The following MGAM variants were observed in gnomAD, a reference collection of about 807,000 sequenced individuals.
MGAM encodes alpha-1,4-glucosidase.
A neutral mutation model predicts 358.8 loss-of-function variants in MGAM; 253 were observed. The ratio of observed to expected loss-of-function variants is 0.71; its 90% confidence interval spans 0.64 to 0.78. MGAM has a LOEUF of 0.78. Ranked by LOEUF, MGAM falls within the 30% of genes least tolerant of loss-of-function variation. The probability of loss-of-function intolerance (pLI) is 0.00; values close to 1 mark genes in which losing one functional copy is unlikely to be tolerated. For synonymous variants in MGAM, 1,105 were observed against 1,227.1 expected (o/e 0.90, Z 2.08); for missense variants, 3,080 against 3,432.6 (o/e 0.90, Z 2.57).
At chr7:142,019,373 C>G in intron 4 of MGAM, 54 bp downstream of exon 4, 1 of 1,588,388 alleles carries the variant, frequency 6.3e-7, no homozygotes, top group Non-Finnish European at 8.6e-7. Flanking sequence ...GAGGTTGACT[C>G]TGTATCCCCC....
In MGAM at chr7:142,052,934, C is replaced by T. The variant is rs564600502; in HGVS notation, c.3109C>T (p.Pro1037Ser). 4.3e-6 allele frequency: 7 copies of T among 1,613,868 alleles called. No homozygotes were observed. The highest frequency in any genetic ancestry group is 1.1e-5 in the South Asian group (1 of 91,064). Residue 1037 changes from proline (P) to serine (S), a missense_variant, in exon 26 of 71, where the codon CCC (proline) becomes TCC (serine). Pro to Ser is a moderately conservative substitution (Grantham distance 74, BLOSUM62 -1). Transcript: ENST00000475668. ...TGCCTTCCCCTCCACACCCGTGAAC[C>T]CCCTTCGCCTGGATGTCACTTACCA... is the stretch of plus-strand genomic sequence containing the variant. ...ANAFPSTPVN[P>S]LRLDVTYHKN...
At position 142,065,365 on chromosome 7, in the gene MGAM, G is replaced by A; in HGVS notation, c.4515G>A (p.Gly1505=). 6.2e-7 allele frequency: 1 copy of A among 1,610,500 alleles called. No homozygotes were observed. Reference sequence around the variant, plus strand: ...TGCAGGAGGTGACGGGACAGCGAGGGGTCGTCATCACCCGCTCCACATTTC... The same window carrying A: ...TGCAGGAGGTGACGGGACAGCGAGGAGTCGTCATCACCCGCTCCACATTTC... ...EAVQEVTGQR[G]VVITRSTFPS... The change falls in exon 38 of 71, where the codon GGG becomes GGA. Residue 1505 remains glycine, a synonymous_variant. Coordinates refer to ENST00000475668, the MANE Select transcript of MGAM (RefSeq NM_001365693.1).
chr7:142,021,150 G>A, intron 5 of MGAM, 67 bp downstream of exon 5: 2 of 1,163,800 alleles, frequency 1.7e-6, no homozygotes, highest in Non-Finnish European at 2.4e-6. Context: ...GATGAGTGCA[G>A]TTACTACAAA....
Position 142,074,844 on chromosome 7 carries a change from G to A in MGAM, c.5275+671G>A, listed in dbSNP as rs891058506. 3.4e-5 allele frequency among the ~76,000 whole-genome samples: 5 copies of A among 146,296 alleles called. 1 individual carries two copies. The highest frequency in any genetic ancestry group is 1.5e-5 in the Non-Finnish European group (1 of 64,608). On this transcript the variant is annotated intron_variant, in intron 45 of 70. Coordinates refer to ENST00000475668, the MANE Select transcript of MGAM (RefSeq NM_001365693.1). ...CAAATAAAGATTGAATATATTTAAGGTGGACGATGTGAGGATTTAATATAT... is the reference window on the plus strand; with the variant it reads ...CAAATAAAGATTGAATATATTTAAGATGGACGATGTGAGGATTTAATATAT...
intron 15 of MGAM, 23 bp from the exon 16 acceptor site, chr7:142,034,647 C>G: frequency 6.2e-7 from 1 of 1,607,492 alleles, no homozygotes; most frequent in Non-Finnish European, 8.5e-7. Context: ...CACATTGACT[C>G]CTTAAATCTC....
At chr7:142,016,093 T>TA (rs1198770115) in intron 3 of MGAM, among the ~76,000 whole-genome samples, 1 of 152,210 alleles carries the variant, frequency 6.6e-6, no homozygotes, top group Non-Finnish European at 1.5e-5. Context: ...CGGCTGTAGT[T>TA]ATCCTTTATG....
At chr7:142,097,110 T>G (rs1815990865) in intron 65 of MGAM, among the ~76,000 whole-genome samples, 1 of 151,982 alleles carries the variant, frequency 6.6e-6, no homozygotes, top group Non-Finnish European at 1.5e-5. Context: ...AATTTTTTTT[T>G]TTATTTTTAG....
At position 142,094,436 on chromosome 7, in the gene MGAM, G is replaced by A; in HGVS notation, c.7245G>A (p.Trp2415Ter). 1 of 1,535,328 alleles carries A rather than the reference G, an allele frequency of 6.5e-7. No homozygotes were observed. Among genetic ancestry groups the A allele is most frequent in the Non-Finnish European group, 8.9e-7 (1 of 1,122,180 alleles). ...TRSTFPSSGR[W>*]AGHWLGDNTA... Reference sequence around the variant, plus strand: ...CCACATTTCCCTCTTCTGGCCGCTGGGCAGGACATTGGCTGGGAGACAACA... The same window carrying A: ...CCACATTTCCCTCTTCTGGCCGCTGAGCAGGACATTGGCTGGGAGACAACA... Residue 2415 changes from tryptophan (W) to a stop codon, truncating the protein, a stop_gained, in exon 61 of 71, where the codon TGG (tryptophan) becomes TGA (stop). Coordinates refer to ENST00000475668, the MANE Select transcript of MGAM (RefSeq NM_001365693.1). LOFTEE classifies it high-confidence loss of function.
intron 55 of MGAM, 83 bp from the exon 56 acceptor site, chr7:142,086,135 G>T (rs1394910584): frequency 1.4e-6 from 2 of 1,421,054 alleles, no homozygotes; most frequent in African/African-American, 1.4e-5. Flanking sequence ...CAACAAGTTC[G>T]CCCTGGAGGA....
chr7:142,053,064 C>G (rs1811171558), intron 26 of MGAM, 80 bp downstream of exon 26: 3 of 1,451,012 alleles, frequency 2.1e-6, no homozygotes, highest in Non-Finnish European at 2.9e-6. Context: ...TCACAGAACC[C>G]TAAAATAAGT....
At chr7:142,066,831 C>A in intron 41 of MGAM, 110 bp downstream of exon 41, 1 of 1,274,942 alleles carries the variant, frequency 7.8e-7, no homozygotes, top group South Asian at 1.4e-5. Context: ...GGCCTTTTGA[C>A]ATGAGCTCTT....
At chr7:142,014,027 T>C (rs1328312556) in intron 3 of MGAM, among the ~76,000 whole-genome samples, 1 of 152,200 alleles carries the variant, frequency 6.6e-6, no homozygotes, top group African/African-American at 2.4e-5. Flanking sequence ...TAACCATTGG[T>C]CTAGAGCAGC....
upstream of MGAM, among the ~76,000 whole-genome samples, chr7:141,995,093 C>T (rs1302448937): frequency 6.6e-6 from 1 of 152,210 alleles, no homozygotes; most frequent in African/African-American, 2.4e-5. Flanking sequence ...AAAGTCTAAG[C>T]CCCTACCATA....
At chr7:142,048,402 C>T (rs1359855156) in intron 22 of MGAM, among the ~76,000 whole-genome samples, 2 of 151,582 alleles carry the variant, frequency 1.3e-5, no homozygotes, top group East Asian at 1.9e-4. Flanking sequence ...CCCGGCTCGG[C>T]CCCCCAAAGT....
chr7:142,036,082 A>G, intron 16 of MGAM, 87 bp from the exon 17 acceptor site: 2 of 990,806 alleles, frequency 2.0e-6, no homozygotes, highest in South Asian at 1.5e-5. Flanking sequence ...GGTTTAAGCA[A>G]GGTTCAGTTG....
chr7:142,021,078 T>G lies in MGAM; in HGVS notation c.553T>G (p.Phe185Val). Residue 185 changes from phenylalanine (F) to valine (V), a missense_variant, in exon 5 of 71, where the codon TTT becomes GTT. Around this residue, in one of 5 missense-constraint regions of MGAM, gnomAD observed 1,816 missense variants for 1,840.5 expected, o/e 0.99. Coordinates refer to ENST00000475668, the MANE Select transcript of MGAM (RefSeq NM_001365693.1). Reference protein sequence around the residue: ...AEYQTSNRFHFKLTDQTNNRF... With the variant: ...AEYQTSNRFHVKLTDQTNNRF... ...ATATCAGACATCTAATCGTTTCCAC[T>G]TTAAGGTTGTAATTTGTTTATTTTT... The G allele has an allele frequency of 6.3e-7, 1 of 1,594,380 alleles. No homozygotes were observed. The highest frequency in any genetic ancestry group is 8.5e-7 in the Non-Finnish European group (1 of 1,171,038).
At chr7:141,990,080 T>C (rs1212421539) in intron 2 of MGAM, among the ~76,000 whole-genome samples, 6 of 152,144 alleles carry the variant, frequency 3.9e-5, no homozygotes, top group Admixed American at 3.9e-4. Flanking sequence ...TTGAGGAGGC[T>C]CTGTGGGCAG....
At chr7:142,096,047 G>A in intron 64 of MGAM, 2 of 593,070 alleles carry the variant, frequency 3.4e-6, no homozygotes, top group South Asian at 2.1e-5. Context: ...GAGATTTGAG[G>A]GAAAAGGGCC....
intron 67 of MGAM, among the ~76,000 whole-genome samples, chr7:142,100,488 C>T (rs745329046): frequency 7.9e-5 from 12 of 152,082 alleles, no homozygotes; most frequent in Non-Finnish European, 1.0e-4. Context: ...TATTAGGTCA[C>T]GAAAACAGAT....
Sources: allele counts gnomAD v4.1 joint callset (sites outside exome capture counted in the v4.1 genomes callset), GRCh38; gene constraint gnomAD v4.1.1; regional missense constraint gnomAD v4.1.1; transcripts MANE v1.5; gene names NCBI Gene and HGNC (gene_info 2026-07-23, HGNC 2026-07-21).